Variants in SLC16A7 observed in about 807,000 individuals in gnomAD.
The protein encoded by SLC16A7 is monocarboxylate transporter 2.
In SLC16A7, 33 loss-of-function variants were observed where a neutral mutation model predicts 34.9. The ratio of observed to expected loss-of-function variants is 0.94; its 90% CI spans 0.72 to 1.26. SLC16A7 has a LOEUF of 1.26. Ranked by LOEUF, SLC16A7 falls within the 50% of genes most tolerant of loss-of-function variation. The pLI is 0.00. For synonymous variants in SLC16A7, 201 were observed against 206.6 expected (o/e 0.97, Z 0.23); for missense variants, 573 against 578.1 (o/e 0.99, Z 0.09).
chr12:59,742,715 T>C lies in SLC16A7; in HGVS notation c.218-28504T>C, dbSNP rs188977860. ...TTATCAAAATGAATTTCTCTAGAGATATTTTAGGCTCTGCTGAAAGTAAGG... is the reference window on the plus strand; with the variant it reads ...TTATCAAAATGAATTTCTCTAGAGACATTTTAGGCTCTGCTGAAAGTAAGG... On this transcript the variant is annotated intron_variant, in intron 3 of 5. Transcript: ENST00000547379. Among the ~76,000 whole-genome samples, 214 of 152,310 alleles carry C rather than the reference T, an allele frequency of 1.4e-3. 1 individual carries two copies. The highest frequency in any genetic ancestry group is 6.8e-3 in the Middle Eastern group (2 of 294).
intron 3 of SLC16A7, among the ~76,000 whole-genome samples, chr12:59,705,292 T>A (rs1020168810): frequency 6.6e-6 from 1 of 152,184 alleles, no homozygotes; most frequent in East Asian, 1.9e-4. Context: ...AATTTCTAAG[T>A]GAGGCTACTT....
chr12:59,705,451 A>G (rs1430510687), intron 3 of SLC16A7, among the ~76,000 whole-genome samples: 1 of 152,196 alleles, frequency 6.6e-6, no homozygotes, highest in Non-Finnish European at 1.5e-5. Context: ...TTAAGCTGCA[A>G]AAATGAAGGG....
intron 3 of SLC16A7, among the ~76,000 whole-genome samples, chr12:59,755,150 A>C (rs1880148457): frequency 6.6e-6 from 1 of 152,210 alleles, no homozygotes; most frequent in African/African-American, 2.4e-5. Context: ...CCAATATCAT[A>C]CTGAATGGGC....
At chr12:59,606,970 T>C (rs1017099456) in intron 1 of SLC16A7, among the ~76,000 whole-genome samples, 1 of 152,070 alleles carries the variant, frequency 6.6e-6, no homozygotes, top group African/African-American at 2.4e-5. Flanking sequence ...AGGATAGAGG[T>C]TGACAAAGTA....
At chr12:59,621,520 C>T (rs965003248) in intron 1 of SLC16A7, among the ~76,000 whole-genome samples, 4 of 151,822 alleles carry the variant, frequency 2.6e-5, no homozygotes, top group African/African-American at 9.7e-5. Context: ...TCTCTGTGCA[C>T]CATTTAATGC....
intron 1 of SLC16A7, among the ~76,000 whole-genome samples, chr12:59,611,481 A>G (rs2136967475): frequency 6.6e-6 from 1 of 152,304 alleles, no homozygotes; most frequent in African/African-American, 2.4e-5. Context: ...GTTCAAGAGA[A>G]GATTTGGATG....
At chr12:59,695,733 G>A (rs1487700729) in intron 2 of SLC16A7, among the ~76,000 whole-genome samples, 2 of 151,992 alleles carry the variant, frequency 1.3e-5, no homozygotes, top group African/African-American at 2.4e-5. Flanking sequence ...CATTTTCTTA[G>A]TTTTGATCTA....
chr12:59,729,708 T>G (rs1204249231), intron 3 of SLC16A7, among the ~76,000 whole-genome samples: 1 of 152,192 alleles, frequency 6.6e-6, no homozygotes, highest in Non-Finnish European at 1.5e-5. Context: ...CATAATAGTT[T>G]CATTAATTTT....
In SLC16A7 at chr12:59,779,982, T is replaced by C. The variant is rs1206099930; in HGVS notation, c.*303T>C. ...TCTTCCAGTGACTTTCGGTCTTGGT[T>C]ATATGGAGAATTCTGAATCCCAAAC... On this transcript the variant is annotated 3_prime_UTR_variant, in exon 6 of 6. Transcript: ENST00000547379. 5 of 228,298 alleles carry C rather than the reference T, an allele frequency of 2.2e-5. No homozygotes were observed. 14.1% of individuals were successfully genotyped at this position (228,298 alleles called of 1,614,324 possible).
chr12:59,642,925 G>C (rs1324587634), intron 1 of SLC16A7, among the ~76,000 whole-genome samples: 1 of 152,072 alleles, frequency 6.6e-6, no homozygotes, highest in Non-Finnish European at 1.5e-5. Flanking sequence ...CAGGCACAAA[G>C]GATGTTGGAA....
At chr12:59,718,104 G>A (rs1166789299) in intron 3 of SLC16A7, among the ~76,000 whole-genome samples, 1 of 152,066 alleles carries the variant, frequency 6.6e-6, no homozygotes, top group Non-Finnish European at 1.5e-5. Flanking sequence ...ATTTAATAAG[G>A]TCAAAATTAA....
chr12:59,654,429 A>C (rs1565632683), intron 1 of SLC16A7, among the ~76,000 whole-genome samples: 1 of 151,784 alleles, frequency 6.6e-6, no homozygotes, highest in Non-Finnish European at 1.5e-5. Flanking sequence ...TGGGGTAAAT[A>C]CTAGTATACC....
chr12:59,721,255 A>C (rs1004722337), intron 3 of SLC16A7, among the ~76,000 whole-genome samples: 2 of 151,962 alleles, frequency 1.3e-5, no homozygotes, highest in Non-Finnish European at 2.9e-5. Flanking sequence ...CTTCATTCAG[A>C]AAGTTTACGT....
intron 2 of SLC16A7, among the ~76,000 whole-genome samples, chr12:59,660,637 G>A (rs1283651025): frequency 6.6e-6 from 1 of 151,990 alleles, no homozygotes. Context: ...TTTGAGCCCA[G>A]GAGTTCAAGG....
intron 3 of SLC16A7, chr12:59,733,855 A>C (rs1295256884): frequency 2.2e-6 from 1 of 455,358 alleles, no homozygotes; most frequent in Admixed American, 2.3e-5. Context: ...TTCTGCAGGC[A>C]GGTCGTCCTG....
At chr12:59,745,969 G>C (rs2137302550) in intron 3 of SLC16A7, among the ~76,000 whole-genome samples, 1 of 152,254 alleles carries the variant, frequency 6.6e-6, no homozygotes. Flanking sequence ...GTTGAAGACA[G>C]GTCACATGAT....
intron 2 of SLC16A7, among the ~76,000 whole-genome samples, chr12:59,679,420 A>C (rs1395784023): frequency 6.6e-6 from 1 of 152,102 alleles, no homozygotes; most frequent in Non-Finnish European, 1.5e-5. Flanking sequence ...TTTGTTACCT[A>C]TTACTACTCC....
intron 2 of SLC16A7, among the ~76,000 whole-genome samples, chr12:59,672,342 T>C (rs1267819407): frequency 6.6e-6 from 1 of 150,488 alleles, no homozygotes; most frequent in Non-Finnish European, 1.5e-5. Context: ...TATTTTTGAG[T>C]AAGTTTTATA....
In SLC16A7 at chr12:59,783,691, G is replaced by T. The variant is rs142916495; in HGVS notation, c.*4012G>T. On this transcript the variant is annotated 3_prime_UTR_variant, in exon 6 of 6. Transcript: ENST00000547379. The stretch of plus-strand genomic sequence containing the variant: ...TTTGAGACTGAGTCTCGTTCTTGTC[G>T]CCCAGGCTGGCGTGCAGTGGCACAA... 1 of 140,754 alleles carries T rather than the reference G, an allele frequency of 7.1e-6. No individual in the cohort carries two copies. Among genetic ancestry groups the T allele is most frequent in the Non-Finnish European group, 1.5e-5 (1 of 66,300 alleles). The allele number at this position is 140,754 out of a possible 1,614,324, so 8.7% of individuals were successfully genotyped here.
Sources: gnomAD v4.1 joint callset for allele counts (sites outside exome capture counted in the v4.1 genomes callset) on GRCh38, gnomAD v4.1.1 for gene constraint, MANE v1.5 for transcripts, NCBI Gene and HGNC (gene_info 2026-07-23, HGNC 2026-07-21) for gene names.